TBXAS1: variants seen among roughly 807,000 people sequenced by gnomAD.
TBXAS1 encodes the protein thromboxane A synthase 1.
A neutral mutation model predicts 60.7 loss-of-function variants in TBXAS1; 48 were observed. The observed-to-expected ratio is 0.79, with a 90% CI of 0.63 to 1.01. The LOEUF is 1.01. TBXAS1 is among the 50% of genes least tolerant of loss of function. The probability of loss-of-function intolerance (pLI) is 0.00; values close to 1 mark genes in which losing one functional copy is unlikely to be tolerated. For synonymous variants in TBXAS1, 287 were observed against 269.7 expected, an observed-to-expected ratio of 1.06 and a Z score of -0.63; for missense variants, 685 against 686.3, an observed-to-expected ratio of 1.00 and a Z score of 0.02.
intron 10 of TBXAS1, among the ~76,000 whole-genome samples, chr7:140,010,214 A>G (rs1304398052): frequency 6.6e-6 from 1 of 152,166 alleles, no homozygotes; most frequent in East Asian, 1.9e-4. Flanking sequence ...TCTCACCCAG[A>G]CCAGAGGACA....
Position 139,781,837 on chromosome 7 carries a change from C to CAAAAAAAA in TBXAS1, c.-232-813_-232-806dup, listed in dbSNP as rs200999267. ...AGGCAACAAGAGCTAAATTCCATCT[C>CAAAAAAAA]AAAAAAAAAAAAAAAAAAAAAAAGG... On this transcript the variant is annotated intron_variant, in intron 2 of 16. Coordinates refer to the TBXAS1 transcript ENST00000336425. Among the ~76,000 whole-genome samples the CAAAAAAAA allele has an allele frequency of 4.2e-4, 28 of 67,290 alleles. No homozygotes were observed. The East Asian group carries it at 0.015, about 37-fold the overall frequency. 44.1% of individuals were successfully genotyped at this position (67,290 alleles called of 152,430 possible).
rs1554466809 is a variant in TBXAS1 at position 139,809,198 on chromosome 7, T to TGATA, written c.-79-20082_-79-20079dup. Among the ~76,000 whole-genome samples, 1,139 of 140,278 alleles carry TGATA rather than the reference T, an allele frequency of 8.1e-3. 9 individuals carry two copies. The highest frequency in any genetic ancestry group is 0.014 in the African/African-American group (522 of 36,068). The allele number at this position is 140,278 out of a possible 152,430, so 92.0% of individuals were successfully genotyped here. ...ATAGATAGAACCAATAGGAGATAGATGATAGATAGATAGATAGATAGATAG... is the reference window on the plus strand; with the variant it reads ...ATAGATAGAACCAATAGGAGATAGATGATAGATAGATAGATAGATAGATAGATAG... On this transcript the variant is annotated intron_variant, in intron 4 of 16. Transcript: ENST00000336425.
At chr7:140,003,439 A>T (rs770755001) in intron 9 of TBXAS1, among the ~76,000 whole-genome samples, 7 of 152,164 alleles carry the variant, frequency 4.6e-5, no homozygotes, top group Non-Finnish European at 1.0e-4. Context: ...TCCTCACCTC[A>T]GGTGATCCAC....
rs191874661 is a variant in TBXAS1 at position 139,793,304 on chromosome 7, C to A, written c.-80+5878C>A. Among the ~76,000 whole-genome samples, 1,268 of 152,152 alleles carry A rather than the reference C, an allele frequency of 8.3e-3. 10 individuals are homozygous for A. The highest frequency in any genetic ancestry group is 0.014 in the South Asian group (68 of 4,810). ...ACATGGTGGCGCACTCTTGTAGTCC[C>A]AGCTACTCAAGAGGCCAAGCCAGGA... On this transcript the variant is annotated intron_variant, in intron 4 of 16. Transcript: ENST00000336425.
Position 139,962,020 on chromosome 7 carries a change from T to C in TBXAS1, c.921T>C (p.Thr307=). ...TCGTCAGAGACGTTTTCTCCTCTAC[T>C]GGGTGCAAGCCGAACCCTTCCCGGC... ...FDIVRDVFSS[T]GCKPNPSRQH... Residue 307 remains threonine (T), a synonymous_variant, in exon 9 of 13, where the codon ACT becomes ACC. Coordinates refer to ENST00000448866, the MANE Select transcript of TBXAS1 (RefSeq NM_001061.7). 6.2e-7 allele frequency: 1 copy of C among 1,614,244 alleles called. No homozygotes were observed. The highest frequency in any genetic ancestry group is 8.5e-7 in the Non-Finnish European group (1 of 1,180,050).
rs561290342 is a variant in TBXAS1 at position 139,890,276 on chromosome 7, C to A, written c.236+14639C>A. The stretch of plus-strand genomic sequence containing the variant: ...TGTCGCCCAGGCTGGAGTGCTGTGG[C>A]GCGATCTCCGCTCACTGCAAGCTCC... On this transcript the variant is annotated intron_variant, in intron 3 of 12. Coordinates refer to ENST00000448866, the MANE Select transcript of TBXAS1 (RefSeq NM_001061.7). Among the ~76,000 whole-genome samples, 6 of 122,488 alleles carry A rather than the reference C, an allele frequency of 4.9e-5. No individual in the cohort carries two copies. In the South Asian group the frequency reaches 1.7e-3, roughly 34 times the overall value. The allele number at this position is 122,488 out of a possible 152,430, so 80.4% of individuals were successfully genotyped here. A position where few individuals can be genotyped will look rare whatever the true frequency, so the allele number is the denominator to read the frequency against.
At chr7:139,905,039 CTTTCTT>C (rs1554487192) in intron 3 of TBXAS1, among the ~76,000 whole-genome samples, 15 of 86,562 alleles carry the variant, frequency 1.7e-4, no homozygotes, top group African/African-American at 8.2e-4. Flanking sequence ...TTCTTTCTTT[CTTTCTT>C]TCTTTCTTTC....
At chr7:139,866,313 T>G (rs1801414807) in intron 1 of TBXAS1, among the ~76,000 whole-genome samples, 1 of 152,148 alleles carries the variant, frequency 6.6e-6, no homozygotes, top group Admixed American at 6.5e-5. Flanking sequence ...ACGCTAAGTA[T>G]TTGACAATAA....
At chr7:139,869,433 G>C (rs2116790479) in intron 1 of TBXAS1, among the ~76,000 whole-genome samples, 1 of 152,158 alleles carries the variant, frequency 6.6e-6, no homozygotes, top group Non-Finnish European at 1.5e-5. Flanking sequence ...TGTCACCCAG[G>C]CTGGAGTGCA....
intron 9 of TBXAS1, among the ~76,000 whole-genome samples, chr7:139,979,421 A>G (rs896838441): frequency 6.6e-6 from 1 of 152,138 alleles, no homozygotes; most frequent in Non-Finnish European, 1.5e-5. Context: ...AGATCAAACA[A>G]CAGAAAAATA....
chr7:139,800,031 C>A (rs557133457), intron 4 of TBXAS1, among the ~76,000 whole-genome samples: 1 of 152,148 alleles, frequency 6.6e-6, no homozygotes, highest in Non-Finnish European at 1.5e-5. Context: ...AACAACCCGT[C>A]GGCAAGTCCC....
At chr7:139,989,136 T>A (rs537183454) in intron 9 of TBXAS1, among the ~76,000 whole-genome samples, 2 of 152,260 alleles carry the variant, frequency 1.3e-5, no homozygotes, top group African/African-American at 4.8e-5. Context: ...ACGTGGGCAC[T>A]GAGCTCTTTT....
intron 4 of TBXAS1, among the ~76,000 whole-genome samples, chr7:139,809,613 C>T (rs577253629): frequency 1.3e-4 from 20 of 152,212 alleles, no homozygotes; most frequent in African/African-American, 4.8e-4. Flanking sequence ...ACTCTCAGTC[C>T]GAGGCTGAAG....
chr7:139,818,627 T>A (rs1798214324), intron 4 of TBXAS1, among the ~76,000 whole-genome samples: 1 of 152,192 alleles, frequency 6.6e-6, no homozygotes, highest in South Asian at 2.1e-4. Context: ...TATCTTCTAC[T>A]TGAGGGTTTA....
chr7:139,997,968 C>A (rs1200638789), intron 9 of TBXAS1, among the ~76,000 whole-genome samples: 1 of 152,174 alleles, frequency 6.6e-6, no homozygotes, highest in African/African-American at 2.4e-5. Context: ...AACCTGGGAA[C>A]AACTCAAATG....
chr7:140,005,432 A>G lies in TBXAS1; in HGVS notation c.1135-1659A>G, dbSNP rs1431419025. Among the ~76,000 whole-genome samples the G allele has an allele frequency of 4.6e-5, 7 of 152,268 alleles. No homozygotes were observed. The East Asian group carries it at 1.4e-3, about 29-fold the overall frequency. On this transcript the variant is annotated intron_variant, in intron 9 of 12. Transcript: ENST00000448866. ...CGACAGAAAAAGACTCTGTCTCAAA[A>G]AAAAAATAAATAAATAAAAGATAAA...
At chr7:139,902,316 A>G (rs1033473918) in intron 3 of TBXAS1, among the ~76,000 whole-genome samples, 3 of 151,920 alleles carry the variant, frequency 2.0e-5, no homozygotes, top group African/African-American at 7.3e-5. Context: ...TGTGTTCTCC[A>G]TCTCTATAAT....
At chr7:139,960,562 A>G (rs1165625753) in intron 8 of TBXAS1, among the ~76,000 whole-genome samples, 1 of 151,930 alleles carries the variant, frequency 6.6e-6, no homozygotes. Flanking sequence ...CCTGACCAAC[A>G]TGGTGAAACC....
chr7:140,008,101 C>T (rs1186282492), intron 10 of TBXAS1, among the ~76,000 whole-genome samples: 1 of 152,188 alleles, frequency 6.6e-6, no homozygotes, highest in African/African-American at 2.4e-5. Flanking sequence ...ATTAACAGAT[C>T]ACATAAACCA....
Sources: gnomAD v4.1 joint callset for allele counts (sites outside exome capture counted in the v4.1 genomes callset) on GRCh38, gnomAD v4.1.1 for gene constraint, MANE v1.5 for transcripts, NCBI Gene and HGNC (gene_info 2026-07-23, HGNC 2026-07-21) for gene names.